COL23A1: variants seen among roughly 807,000 people sequenced by gnomAD.
COL23A1 encodes the protein collagen alpha-1(XXIII) chain.
In COL23A1, 97 loss-of-function variants were observed where a neutral mutation model predicts 99.3. The ratio of observed to expected loss-of-function variants is 0.98; its 90% CI spans 0.83 to 1.16. The LOEUF (loss-of-function observed/expected upper bound fraction) is 1.16, where lower values mean the gene tolerates loss of function less well. Ranked by LOEUF, COL23A1 falls within the 50% of genes most tolerant of loss-of-function variation. COL23A1 has a pLI of 0.00. For missense variants in COL23A1, 762 were observed against 757.4 expected, an observed-to-expected ratio of 1.01 and a Z score of -0.07; for synonymous variants, 320 against 308.2, an observed-to-expected ratio of 1.04 and a Z score of -0.40.
chr5:178,420,505 TTTTTCCTCCTCTCCTCCCCCTCCTCA>T (rs1765569145), intron 2 of COL23A1, among the ~76,000 whole-genome samples: 1 of 42,366 alleles, frequency 2.4e-5, no homozygotes, highest in Non-Finnish European at 4.3e-5. Context: ...CCCTCCCCCC[TTTTTCCTCCTCTCCTCCCCCTCCTCA>T]CTTTCCTCCT....
chr5:178,497,950 T>C (rs1183133269), intron 2 of COL23A1, among the ~76,000 whole-genome samples: 1 of 151,662 alleles, frequency 6.6e-6, no homozygotes, highest in Non-Finnish European at 1.5e-5. Flanking sequence ...ATGACCAAGT[T>C]GAAGAAAAAG....
At chr5:178,291,146 C>T (rs907099820) in intron 3 of COL23A1, among the ~76,000 whole-genome samples, 2 of 152,322 alleles carry the variant, frequency 1.3e-5, no homozygotes, top group Non-Finnish European at 2.9e-5. Flanking sequence ...CCCAACTCTA[C>T]CACCCCTAGG....
chr5:178,535,689 A>G (rs1760899849), intron 2 of COL23A1, among the ~76,000 whole-genome samples: 1 of 152,378 alleles, frequency 6.6e-6, no homozygotes, highest in African/African-American at 2.4e-5. Flanking sequence ...AGCTGGAGGC[A>G]GACCCATCAC....
At chr5:178,264,696 G>A (rs558550305) in intron 8 of COL23A1, among the ~76,000 whole-genome samples, 7 of 152,204 alleles carry the variant, frequency 4.6e-5, no homozygotes, top group South Asian at 2.1e-4. Flanking sequence ...TTGCTCTGTC[G>A]CTCAGGCTGG....
At chr5:178,424,667 A>G (rs1765813075) in intron 2 of COL23A1, among the ~76,000 whole-genome samples, 1 of 152,198 alleles carries the variant, frequency 6.6e-6, no homozygotes, top group African/African-American at 2.4e-5. Context: ...TCTTCCTTGA[A>G]GTAAAAATCC....
intron 2 of COL23A1, among the ~76,000 whole-genome samples, chr5:178,348,677 G>A (rs971894012): frequency 3.9e-5 from 6 of 152,204 alleles, no homozygotes; most frequent in African/African-American, 1.4e-4. Flanking sequence ...GGTCTGCAGA[G>A]CCCCTTCCCA....
At chr5:178,576,341 CG>C (rs1326231100) in intron 1 of COL23A1, among the ~76,000 whole-genome samples, 1 of 152,150 alleles carries the variant, frequency 6.6e-6, no homozygotes, top group Non-Finnish European at 1.5e-5. Flanking sequence ...CGGGTTCAAC[CG>C]ATTCTCCTGC....
chr5:178,359,378 A>G (rs1762054662), intron 2 of COL23A1, among the ~76,000 whole-genome samples: 1 of 152,180 alleles, frequency 6.6e-6, no homozygotes. Context: ...CACACAAAAA[A>G]TTAGCTGGAT....
Position 178,473,012 on chromosome 5 carries a change from A to G in COL23A1, c.361+87670T>C, listed in dbSNP as rs58115240. On this transcript the variant is annotated intron_variant, in intron 2 of 28. Transcript: ENST00000390654. ...GTCACACGCACCTGTGATCCGAACT[A>G]CTCAGGAAGCTGAGGCGAGAGGATC... Among the ~76,000 whole-genome samples the G allele has an allele frequency of 0.046, 6,430 of 139,140 alleles. 731 individuals carry two copies. The East Asian group carries it at 0.47, about 10-fold the overall frequency. The allele number at this position is 139,140 out of a possible 152,430, so 91.3% of individuals were successfully genotyped here. A position where few individuals can be genotyped will look rare whatever the true frequency, so the allele number is the denominator to read the frequency against.
rs1285140127 is a variant in COL23A1 at position 178,403,116 on chromosome 5, A to AT, written c.362-96198_362-96197insA. 2.5e-4 allele frequency among the ~76,000 whole-genome samples: 33 copies of AT among 134,516 alleles called. 1 individual carries two copies. Among genetic ancestry groups the AT allele is most frequent in the African/African-American group, 9.7e-4 (30 of 30,892 alleles). 88.2% of individuals were successfully genotyped at this position (134,516 alleles called of 152,430 possible). ...AGAGAGAGACTCCATCTCAAAAAAA[A>AT]AAAAAATAAATAAATAAAAAATAAA... On this transcript the variant is annotated intron_variant, in intron 2 of 28. Transcript: ENST00000390654.
In COL23A1 at chr5:178,307,013, A is replaced by C. The variant is rs1758396051; in HGVS notation, c.362-94T>G. 1.1e-6 allele frequency: 1 copy of C among 942,960 alleles called. No individual in the cohort carries two copies. The highest frequency in any genetic ancestry group is 1.7e-5 in the African/African-American group (1 of 57,286). 58.4% of individuals were successfully genotyped at this position (942,960 alleles called of 1,614,324 possible). A position where few individuals can be genotyped will look rare whatever the true frequency, so the allele number is the denominator to read the frequency against. ...CCCAGCCACCCACCTGTCCGCTCGCAACAGCTTTCTGGGAGTGGCCTGCCC... is the reference window on the plus strand; with the variant it reads ...CCCAGCCACCCACCTGTCCGCTCGCCACAGCTTTCTGGGAGTGGCCTGCCC... On this transcript the variant is annotated intron_variant, in intron 2 of 28. Transcript: ENST00000390654. The surrounding 1 kb of genome is among the most constrained non-coding windows in gnomAD (Gnocchi z 4.2).
chr5:178,259,019 T>TG (rs1307800767), intron 12 of COL23A1, among the ~76,000 whole-genome samples: 1 of 150,618 alleles, frequency 6.6e-6, no homozygotes, highest in East Asian at 2.0e-4. Context: ...TGGGTTCAAG[T>TG]GATTCTCCAG....
chr5:178,352,095 G>A (rs955756673), intron 2 of COL23A1: 3 of 152,184 alleles, frequency 2.0e-5, no homozygotes, highest in South Asian at 4.1e-4. Context: ...TAAGGCACAG[G>A]CCCTAAGCTA....
intron 2 of COL23A1, among the ~76,000 whole-genome samples, chr5:178,486,348 C>T (rs1289718725): frequency 1.3e-5 from 2 of 152,186 alleles, no homozygotes; most frequent in African/African-American, 4.8e-5. Flanking sequence ...AGGCTTAGTA[C>T]TCTTGAGGCA....
chr5:178,337,407 C>T (rs368183594), intron 2 of COL23A1, among the ~76,000 whole-genome samples: 12 of 152,246 alleles, frequency 7.9e-5, no homozygotes, highest in African/African-American at 2.4e-4. Context: ...ACAGTCCAGA[C>T]GTCACCTCTC....
chr5:178,285,718 CAT>C (rs1041955232), intron 5 of COL23A1, among the ~76,000 whole-genome samples: 21 of 152,358 alleles, frequency 1.4e-4, no homozygotes, highest in African/African-American at 2.2e-4. Flanking sequence ...ATCCTCTGCA[CAT>C]GAGGGGCCTC....
intron 2 of COL23A1, among the ~76,000 whole-genome samples, chr5:178,505,866 CAGACAG>C (rs1399190484): frequency 6.6e-6 from 1 of 152,090 alleles, no homozygotes; most frequent in Non-Finnish European, 1.5e-5. Flanking sequence ...GGACCTGTGC[CAGACAG>C]AGCCTGTCAG....
intron 2 of COL23A1, among the ~76,000 whole-genome samples, chr5:178,460,821 T>C (rs1218250457): frequency 6.6e-6 from 1 of 151,976 alleles, no homozygotes; most frequent in Non-Finnish European, 1.5e-5. Context: ...TGGACAAAAA[T>C]AAAAAAACAA....
chr5:178,487,333 T>C (rs564076210), intron 2 of COL23A1, among the ~76,000 whole-genome samples: 1 of 146,912 alleles, frequency 6.8e-6, no homozygotes, highest in South Asian at 2.1e-4. Flanking sequence ...TATTTATTTA[T>C]TTAGAGAAGG....
Sources: gnomAD v4.1 joint callset for allele counts (sites outside exome capture counted in the v4.1 genomes callset) on GRCh38, gnomAD v4.1.1 for gene constraint, Gnocchi (gnomAD v3.1) non-coding constraint, MANE v1.5 for transcripts, NCBI Gene and HGNC (gene_info 2026-07-23, HGNC 2026-07-21) for gene names.